Variants in PRSS23 observed in about 807,000 individuals in gnomAD.
PRSS23 encodes serine protease 23, also known as protease, serine 23.
Under a neutral mutation model 34.7 loss-of-function variants are expected in PRSS23, and 25 were observed. The observed-to-expected ratio is 0.72, with a 90% CI of 0.53 to 1.01. PRSS23 has a LOEUF of 1.01. Among genes scored for constraint, PRSS23 ranks in the 50% least tolerant of loss-of-function variants. The pLI is 0.00. For synonymous variants in PRSS23, 176 were observed against 186.6 expected (o/e 0.94, Z 0.46); for missense variants, 445 against 475.6 (o/e 0.94, Z 0.60).
intron 1 of PRSS23, among the ~76,000 whole-genome samples, chr11:86,805,847 C>G (rs767992306): frequency 6.6e-6 from 1 of 152,210 alleles, no homozygotes; most frequent in Non-Finnish European, 1.5e-5. Flanking sequence ...TCTGTACTTT[C>G]AAACAGGAAG....
Position 86,828,661 on chromosome 11 carries a change from C to T in PRSS23, c.206+5068C>T, listed in dbSNP as rs866327492. On this transcript the variant is annotated intron_variant, in intron 2 of 2. Coordinates refer to the PRSS23 transcript ENST00000533902. ...TTGTGCCTTTCCATGTTTAGTGCTT[C>T]CTTCAGGAGCTCTTTTAGGGCAGGC... Among the ~76,000 whole-genome samples the T allele has an allele frequency of 8.5e-5, 13 of 152,212 alleles. No individual in the cohort carries two copies. The Middle Eastern group carries it at 0.01, about 119-fold the overall frequency.
rs754483582 is a variant in PRSS23 at position 86,952,041 on chromosome 11, G to A, written c.*756G>A. On this transcript the variant is annotated 3_prime_UTR_variant, in exon 3 of 3. Transcript: ENST00000533902. Reference sequence around the variant, plus strand: ...CTAGAAGAATCGATCAGGAAGGTCAGTACTGTGAAGGCAGTGGAGATGAAA... The same window carrying A: ...CTAGAAGAATCGATCAGGAAGGTCAATACTGTGAAGGCAGTGGAGATGAAA... 21 of 1,614,000 alleles carry A rather than the reference G, an allele frequency of 1.3e-5. No individual in the cohort carries two copies. The highest frequency in any genetic ancestry group is 1.3e-5 in the African/African-American group (1 of 74,922).
At chr11:86,853,340 C>T (rs377456304) in intron 2 of PRSS23, among the ~76,000 whole-genome samples, 26 of 146,678 alleles carry the variant, frequency 1.8e-4, no homozygotes, top group East Asian at 1.0e-3. Context: ...CCGCAACCTC[C>T]GCCTCCCAGG....
intron 2 of PRSS23, chr11:86,833,372 GC>G: frequency 1.3e-6 from 1 of 750,198 alleles, no homozygotes; most frequent in Non-Finnish European, 2.4e-6. Flanking sequence ...AACAGGAACA[GC>G]CCAGCGAGGG....
intron 1 of PRSS23, among the ~76,000 whole-genome samples, chr11:86,792,586 C>T (rs935675979): frequency 2.6e-5 from 4 of 152,114 alleles, no homozygotes; most frequent in Non-Finnish European, 5.9e-5. Context: ...TGGTATTCAA[C>T]AGTAGGGGAG....
At chr11:86,917,423 T>C (rs1199167462) in intron 2 of PRSS23, among the ~76,000 whole-genome samples, 1 of 152,240 alleles carries the variant, frequency 6.6e-6, no homozygotes, top group African/African-American at 2.4e-5. Context: ...GTCTGTATGG[T>C]AGACACATGA....
At chr11:86,920,725 T>C (rs780721806) in intron 2 of PRSS23, among the ~76,000 whole-genome samples, 1 of 152,106 alleles carries the variant, frequency 6.6e-6, no homozygotes, top group Non-Finnish European at 1.5e-5. Context: ...TTCCAGATAT[T>C]ACCCCATTTC....
At chr11:86,885,848 C>T (rs1948798938) in intron 2 of PRSS23, among the ~76,000 whole-genome samples, 1 of 152,206 alleles carries the variant, frequency 6.6e-6, no homozygotes, top group African/African-American at 2.4e-5. Flanking sequence ...TTTCCATTGG[C>T]ATGGGCATTA....
At chr11:86,840,459 T>C (rs1948439153) in intron 2 of PRSS23, among the ~76,000 whole-genome samples, 1 of 152,170 alleles carries the variant, frequency 6.6e-6, no homozygotes. Context: ...GCACCTAGAT[T>C]CATAAAGCAA....
intron 2 of PRSS23, chr11:86,857,842 G>A: frequency 1.7e-6 from 1 of 577,550 alleles, no homozygotes; most frequent in Non-Finnish European, 3.3e-6. Flanking sequence ...GAAGTACATG[G>A]GGGTGTGGAA....
rs566398487 is a variant in PRSS23 at position 86,849,999 on chromosome 11, C to G, written c.206+26406C>G. 3.3e-5 allele frequency among the ~76,000 whole-genome samples: 5 copies of G among 152,206 alleles called. 1 individual carries two copies. The highest frequency in any genetic ancestry group is 6.8e-3 in the Middle Eastern group (2 of 294). ...AGTCAGGAATCATTACTGAAAAGGT[C>G]AAAGAAATAAGAGAACGGATAGAAA... On this transcript the variant is annotated intron_variant, in intron 2 of 2. Transcript: ENST00000533902.
intron 2 of PRSS23, among the ~76,000 whole-genome samples, chr11:86,907,485 G>A (rs1165652824): frequency 6.6e-6 from 1 of 150,568 alleles, no homozygotes; most frequent in Admixed American, 6.6e-5. Context: ...GTGTTTTTTT[G>A]AGACAGGGTA....
intron 2 of PRSS23, among the ~76,000 whole-genome samples, chr11:86,859,627 C>A (rs1014815083): frequency 6.6e-6 from 1 of 151,880 alleles, no homozygotes; most frequent in Non-Finnish European, 1.5e-5. Context: ...TGGGTATACA[C>A]CACCTTTGTA....
At chr11:86,848,644 C>A (rs1399348678) in intron 2 of PRSS23, among the ~76,000 whole-genome samples, 1 of 152,176 alleles carries the variant, frequency 6.6e-6, no homozygotes, top group Non-Finnish European at 1.5e-5. Context: ...AAAGGATAAA[C>A]TTATCACCTA....
intron 2 of PRSS23, among the ~76,000 whole-genome samples, chr11:86,847,334 C>A (rs1248903500): frequency 6.6e-6 from 1 of 152,184 alleles, no homozygotes; most frequent in African/African-American, 2.4e-5. Context: ...GCCTTGCCAC[C>A]CTGGAACAGG....
intron 2 of PRSS23, among the ~76,000 whole-genome samples, chr11:86,870,489 G>C (rs1948677965): frequency 6.6e-6 from 1 of 152,182 alleles, no homozygotes; most frequent in South Asian, 2.1e-4. Context: ...GCATGGAGGG[G>C]AGGGGTAGAC....
At chr11:86,847,275 G>C (rs527442241) in intron 2 of PRSS23, among the ~76,000 whole-genome samples, 2 of 152,178 alleles carry the variant, frequency 1.3e-5, no homozygotes, top group Non-Finnish European at 2.9e-5. Context: ...GGCCAGGACC[G>C]CATAAAGTGG....
At chr11:86,846,170 C>G (rs942713390) in intron 2 of PRSS23, among the ~76,000 whole-genome samples, 2 of 152,198 alleles carry the variant, frequency 1.3e-5, no homozygotes, top group Non-Finnish European at 2.9e-5. Context: ...TTGCCTCTAT[C>G]ACTCACCATA....
intron 2 of PRSS23, among the ~76,000 whole-genome samples, chr11:86,879,534 C>T (rs1948754595): frequency 7.1e-6 from 1 of 141,818 alleles, no homozygotes; most frequent in Admixed American, 7.0e-5. Flanking sequence ...GCCGCCCCGT[C>T]CGGGAGGGAG....
Sources: gnomAD v4.1 joint callset for allele counts (sites outside exome capture counted in the v4.1 genomes callset) on GRCh38, gnomAD v4.1.1 for gene constraint, MANE v1.5 for transcripts, NCBI Gene and HGNC (gene_info 2026-07-23, HGNC 2026-07-21) for gene names.